The following DOCK1 variants were observed in gnomAD, a reference collection of about 807,000 sequenced individuals.
The protein encoded by DOCK1 is dedicator of cytokinesis protein 1.
DOCK1 carries 138 observed loss-of-function variants against 262.7 expected under a neutral mutation model. The ratio of observed to expected loss-of-function variants is 0.53; its 90% CI spans 0.46 to 0.61. DOCK1 has a LOEUF of 0.61. Ranked by LOEUF, DOCK1 falls within the 20% of genes least tolerant of loss-of-function variation. DOCK1 has a pLI of 0.00. For missense variants in DOCK1, 1,908 were observed against 2,370.7 expected, an observed-to-expected ratio of 0.80 and a Z score of 4.05; for synonymous variants, 866 against 867.4, an observed-to-expected ratio of 1.00 and a Z score of 0.03.
intron 1 of DOCK1, among the ~76,000 whole-genome samples, chr10:126,932,893 C>G (rs1186569251): frequency 6.6e-6 from 1 of 152,162 alleles, no homozygotes; most frequent in Admixed American, 6.5e-5. Context: ...GGCCCAGTGT[C>G]ACCGTCAGCT....
intron 27 of DOCK1, among the ~76,000 whole-genome samples, chr10:127,183,782 T>A (rs1222466561): frequency 1.3e-5 from 2 of 152,160 alleles, no homozygotes; most frequent in African/African-American, 4.8e-5. Flanking sequence ...AAAAGGTCTA[T>A]ATATTGTATA....
chr10:127,311,467 A>G (rs1003338102), intron 29 of DOCK1, among the ~76,000 whole-genome samples: 32 of 152,176 alleles, frequency 2.1e-4, no homozygotes, highest in Admixed American at 2.0e-3. Flanking sequence ...TCCAGTGAGC[A>G]TTTCCTGTGA....
chr10:127,114,635 A>AT (rs2049061568), intron 25 of DOCK1, among the ~76,000 whole-genome samples: 1 of 20,044 alleles, frequency 5.0e-5, no homozygotes. Flanking sequence ...TTTTGGCTAT[A>AT]CCTTTGGCTA....
At chr10:127,369,207 T>G (rs1380840873) in intron 33 of DOCK1, among the ~76,000 whole-genome samples, 1 of 152,258 alleles carries the variant, frequency 6.6e-6, no homozygotes, top group Admixed American at 6.5e-5. Context: ...CAATGTATTT[T>G]CCACTGTAAT....
At chr10:127,141,486 T>G (rs1309873165) in intron 27 of DOCK1, among the ~76,000 whole-genome samples, 2 of 152,074 alleles carry the variant, frequency 1.3e-5, no homozygotes, top group African/African-American at 4.8e-5. Flanking sequence ...GCGGATCACT[T>G]GAGATCAGGA....
intron 46 of DOCK1, among the ~76,000 whole-genome samples, chr10:127,424,599 C>T (rs1236102241): frequency 2.0e-5 from 3 of 152,220 alleles, no homozygotes; most frequent in Non-Finnish European, 4.4e-5. Flanking sequence ...CTGTCTGCGT[C>T]ATCCCCCAAG....
intron 27 of DOCK1, among the ~76,000 whole-genome samples, chr10:127,222,974 G>C (rs923257088): frequency 1.3e-5 from 2 of 152,130 alleles, no homozygotes; most frequent in African/African-American, 4.8e-5. Context: ...GCTGTGCCGA[G>C]CCAGTTTCTC....
intron 1 of DOCK1, among the ~76,000 whole-genome samples, chr10:126,906,491 G>A (rs1220687388): frequency 6.6e-6 from 1 of 152,202 alleles, no homozygotes; most frequent in Non-Finnish European, 1.5e-5. Flanking sequence ...GATCTTCCCA[G>A]TTGGTTTTCG....
intron 27 of DOCK1, among the ~76,000 whole-genome samples, chr10:127,200,920 C>T (rs187961939): frequency 2.0e-5 from 3 of 152,256 alleles, no homozygotes; most frequent in East Asian, 1.9e-4. Flanking sequence ...CGCTGTGGTT[C>T]GGATGCCTCT....
intron 27 of DOCK1, among the ~76,000 whole-genome samples, chr10:127,218,639 T>C (rs2058308216): frequency 6.6e-6 from 1 of 152,232 alleles, no homozygotes; most frequent in African/African-American, 2.4e-5. Context: ...CTCTGCACAG[T>C]TGGTGCCATA....
At chr10:127,340,506 A>G (rs747344240) in intron 30 of DOCK1, among the ~76,000 whole-genome samples, 21 of 152,066 alleles carry the variant, frequency 1.4e-4, no homozygotes, top group Non-Finnish European at 2.8e-4. Context: ...TGCACTGATA[A>G]CCTAGAGGCT....
Position 126,995,598 on chromosome 10 carries a change from C to G in DOCK1, c.474-1150C>G, listed in dbSNP as rs61875516. Among the ~76,000 whole-genome samples the G allele has an allele frequency of 0.22, 32,840 of 152,202 alleles. 4,366 individuals carry two copies. The highest frequency in any genetic ancestry group is 0.38 in the South Asian group (1,842 of 4,814). ...GAGCCGAGATGGCGGCAGTACAGTCCAGCCTTGGCTCGGCATCAGAGGCAG... is the reference window on the plus strand; with the variant it reads ...GAGCCGAGATGGCGGCAGTACAGTCGAGCCTTGGCTCGGCATCAGAGGCAG... On this transcript the variant is annotated intron_variant, in intron 6 of 51. Coordinates refer to ENST00000623213, the MANE Select transcript of DOCK1 (RefSeq NM_001290223.2). The surrounding 1 kb of genome is among the most constrained non-coding windows in gnomAD (Gnocchi z 5.8).
At chr10:127,396,468 G>C (rs1451708451) in intron 38 of DOCK1, among the ~76,000 whole-genome samples, 1 of 152,086 alleles carries the variant, frequency 6.6e-6, no homozygotes, top group Non-Finnish European at 1.5e-5. Flanking sequence ...CAACTCCCCT[G>C]TCCAGCCACT....
In DOCK1 at chr10:127,058,223, C is replaced by T. The variant is rs369865773; in HGVS notation, c.2337-3445C>T. ...TAGAATTTAAAAAATATTAAAGATT[C>T]ATTAATCATGCCTTATAGATTTTGA... On this transcript the variant is annotated intron_variant, in intron 22 of 51. Transcript: ENST00000623213. 6.8e-4 allele frequency among the ~76,000 whole-genome samples: 104 copies of T among 152,200 alleles called. 3 individuals are homozygous for T. In the South Asian group the frequency reaches 0.015, roughly 22 times the overall value.
chr10:127,090,101 A>G (rs555358110), intron 23 of DOCK1, among the ~76,000 whole-genome samples: 4 of 152,188 alleles, frequency 2.6e-5, no homozygotes, highest in Non-Finnish European at 4.4e-5. Context: ...TGTTCGGGAC[A>G]CTGGGATGCT....
intron 4 of DOCK1, among the ~76,000 whole-genome samples, chr10:126,982,490 A>G (rs1444305644): frequency 6.9e-6 from 1 of 144,456 alleles, no homozygotes. Flanking sequence ...ACAGGAACCC[A>G]TTAGGCAGGA....
intron 27 of DOCK1, among the ~76,000 whole-genome samples, chr10:127,220,678 T>C (rs926258839): frequency 6.6e-6 from 1 of 151,784 alleles, no homozygotes; most frequent in Non-Finnish European, 1.5e-5. Context: ...TCCAGTTCAG[T>C]AATATGGAGG....
chr10:127,274,108 T>A (rs1412103467), intron 29 of DOCK1, among the ~76,000 whole-genome samples: 1 of 152,158 alleles, frequency 6.6e-6, no homozygotes, highest in Non-Finnish European at 1.5e-5. Context: ...TGCCATGGAC[T>A]GTGAGCTCCC....
intron 28 of DOCK1, among the ~76,000 whole-genome samples, chr10:127,256,326 T>TG (rs2134931352): frequency 6.6e-6 from 1 of 152,358 alleles, no homozygotes; most frequent in Non-Finnish European, 1.5e-5. Context: ...CTTTCTTGGC[T>TG]GCTTAAATTC....
Sources: gnomAD v4.1 joint callset for allele counts (sites outside exome capture counted in the v4.1 genomes callset) on GRCh38, gnomAD v4.1.1 for gene constraint, Gnocchi (gnomAD v3.1) non-coding constraint, MANE v1.5 for transcripts, NCBI Gene and HGNC (gene_info 2026-07-23, HGNC 2026-07-21) for gene names.